GRIK3: variants seen among roughly 807,000 people sequenced by gnomAD.
GRIK3 encodes the protein glutamate receptor ionotropic, kainate 3.
A neutral mutation model predicts 102.5 loss-of-function variants in GRIK3; 29 were observed. The ratio of observed to expected loss-of-function variants is 0.28; its 90% CI spans 0.21 to 0.39. The LOEUF is 0.39. Ranked by LOEUF, GRIK3 falls within the 10% of genes least tolerant of loss-of-function variation. The probability of loss-of-function intolerance (pLI) is 1.00; values close to 1 mark genes in which losing one functional copy is unlikely to be tolerated. For synonymous variants in GRIK3, 511 were observed against 504.9 expected (o/e 1.01, Z -0.16); for missense variants, 908 against 1,252.4 (o/e 0.73, Z 4.15).
At chr1:36,999,547 C>T (rs1642453630) in intron 1 of GRIK3, among the ~76,000 whole-genome samples, 1 of 152,050 alleles carries the variant, frequency 6.6e-6, no homozygotes, top group African/African-American at 2.4e-5. Flanking sequence ...GGAAAGGGGC[C>T]TTAAGGTAAT....
chr1:37,033,595 G>C (rs369887200), intron 1 of GRIK3, among the ~76,000 whole-genome samples: 243 of 152,378 alleles, frequency 1.6e-3, no homozygotes, highest in African/African-American at 5.6e-3. Flanking sequence ...GAGGTGGGCA[G>C]AGGAGAGAAG....
chr1:36,961,403 A>AT (rs1355775147), intron 1 of GRIK3, among the ~76,000 whole-genome samples: 3 of 151,922 alleles, frequency 2.0e-5, no homozygotes, highest in African/African-American at 7.3e-5. Flanking sequence ...CATCAGAGGA[A>AT]AAAAAAGCAG....
chr1:36,956,020 A>G (rs1386831557), intron 1 of GRIK3, among the ~76,000 whole-genome samples: 1 of 152,248 alleles, frequency 6.6e-6, no homozygotes, highest in Admixed American at 6.5e-5. Context: ...GCAGGCCTCC[A>G]GGCTCCACCA....
chr1:36,949,742 T>C (rs757581483), intron 1 of GRIK3, among the ~76,000 whole-genome samples: 1 of 152,004 alleles, frequency 6.6e-6, no homozygotes, highest in Non-Finnish European at 1.5e-5. Context: ...GTCCGGCTAA[T>C]ACTTTTTGTA....
Position 36,887,756 on chromosome 1 carries a change from CAAAA to C in GRIK3, c.292+3160_292+3163del, listed in dbSNP as rs375757853. The stretch of plus-strand genomic sequence containing the variant: ...GGGCAACAAGAGTGAAATTCCATCT[CAAAA>C]AAAAAAAAAAAATATATATATATAT... On this transcript the variant is annotated intron_variant, in intron 2 of 15. Coordinates refer to ENST00000373091, the MANE Select transcript of GRIK3 (RefSeq NM_000831.4). Among the ~76,000 whole-genome samples the C allele has an allele frequency of 4.8e-3, 500 of 103,560 alleles. 2 individuals carry two copies. Among genetic ancestry groups the C allele is most frequent in the Non-Finnish European group, 8.0e-3 (403 of 50,342 alleles). The allele number at this position is 103,560 out of a possible 152,430, so 67.9% of individuals were successfully genotyped here.
chr1:36,997,811 G>A (rs753305434), intron 1 of GRIK3, among the ~76,000 whole-genome samples: 10 of 152,294 alleles, frequency 6.6e-5, no homozygotes, highest in Middle Eastern at 6.8e-3. Flanking sequence ...AAAGGACCAA[G>A]GGTGACCAGA....
intron 1 of GRIK3, among the ~76,000 whole-genome samples, chr1:36,922,559 C>A (rs1403921348): frequency 1.3e-5 from 2 of 152,216 alleles, no homozygotes; most frequent in African/African-American, 2.4e-5. Flanking sequence ...CTTCACTCCC[C>A]CAAGGTGATC....
At chr1:36,893,272 G>A (rs1320186501) in intron 1 of GRIK3, among the ~76,000 whole-genome samples, 1 of 152,054 alleles carries the variant, frequency 6.6e-6, no homozygotes, top group East Asian at 1.9e-4. Flanking sequence ...ATAAATATTT[G>A]TAACATATGT....
In GRIK3 at chr1:36,921,221, C is replaced by G. The variant is rs574062048; in HGVS notation, c.116-30125G>C. 6.6e-5 allele frequency among the ~76,000 whole-genome samples: 10 copies of G among 152,348 alleles called. No individual in the cohort carries two copies. In the South Asian group the frequency reaches 2.1e-3, roughly 32 times the overall value. ...AGATGAAACAGGGTTTGAAGCACAGCTCTGGCCCTGCTAGCTGATGACAGG... is the reference window on the plus strand; with the variant it reads ...AGATGAAACAGGGTTTGAAGCACAGGTCTGGCCCTGCTAGCTGATGACAGG... On this transcript the variant is annotated intron_variant, in intron 1 of 15. Transcript: ENST00000373091.
chr1:36,971,623 G>T (rs55751537), intron 1 of GRIK3, among the ~76,000 whole-genome samples: 3 of 151,998 alleles, frequency 2.0e-5, no homozygotes, highest in Admixed American at 6.6e-5. Flanking sequence ...GGTTATACTT[G>T]GATATCAGAA....
chr1:36,810,419 C>T (rs1466825534), intron 13 of GRIK3, among the ~76,000 whole-genome samples: 1 of 152,212 alleles, frequency 6.6e-6, no homozygotes, highest in Non-Finnish European at 1.5e-5. Flanking sequence ...TGTGCCAGGA[C>T]AGAGATGCTT....
chr1:36,942,557 G>T (rs925636242), intron 1 of GRIK3, among the ~76,000 whole-genome samples: 1 of 152,170 alleles, frequency 6.6e-6, no homozygotes, highest in African/African-American at 2.4e-5. Flanking sequence ...GAACTGGGAA[G>T]TCAAGGGCCA....
intron 1 of GRIK3, among the ~76,000 whole-genome samples, chr1:36,984,345 C>T (rs561663735): frequency 1.3e-5 from 2 of 152,370 alleles, no homozygotes; most frequent in South Asian, 4.1e-4. Flanking sequence ...ACATTCACAT[C>T]CCTCATCCCA....
rs1641109942 is a variant in GRIK3, at chr1:36,891,080, A to G, written c.132T>C (p.Tyr44=). The G allele has an allele frequency of 6.2e-7, 1 of 1,612,528 alleles. No individual in the cohort carries two copies. The part of the protein sequence containing the change: ...HVIRIGGIFE[Y]ADGPNAQVMN... ...TGACCTGGGCGTTGGGGCCGTCCGCATACTCGAAGATTCCTCCTGTGAAAG... is the reference window on the plus strand; with the variant it reads ...TGACCTGGGCGTTGGGGCCGTCCGCGTACTCGAAGATTCCTCCTGTGAAAG... Residue 44 remains tyrosine, a synonymous_variant, in exon 2 of 16, where the codon TAT becomes TAC. Coordinates refer to ENST00000373091, the MANE Select transcript of GRIK3 (RefSeq NM_000831.4).
intron 1 of GRIK3, among the ~76,000 whole-genome samples, chr1:37,004,448 T>C (rs1642510683): frequency 6.6e-6 from 1 of 152,172 alleles, no homozygotes; most frequent in Non-Finnish European, 1.5e-5. Context: ...GAGCTTCGGG[T>C]TGTGGAGGGC....
At chr1:36,812,435 G>A (rs1032978498) in intron 13 of GRIK3, among the ~76,000 whole-genome samples, 3 of 152,154 alleles carry the variant, frequency 2.0e-5, no homozygotes, top group Non-Finnish European at 4.4e-5. Flanking sequence ...TCAAAGCTGT[G>A]CAGCCCTCCC....
At chr1:36,977,806 G>C (rs2124363766) in intron 1 of GRIK3, among the ~76,000 whole-genome samples, 1 of 152,360 alleles carries the variant, frequency 6.6e-6, no homozygotes, top group Non-Finnish European at 1.5e-5. Flanking sequence ...TCGGTTGCCA[G>C]AGCATTGAGA....
chr1:36,962,162 C>A (rs1642017489), intron 1 of GRIK3, among the ~76,000 whole-genome samples: 1 of 152,188 alleles, frequency 6.6e-6, no homozygotes, highest in Non-Finnish European at 1.5e-5. Flanking sequence ...ATGGCTTCTG[C>A]CCCTGGCCAC....
intron 1 of GRIK3, among the ~76,000 whole-genome samples, chr1:36,901,793 A>T (rs1641234214): frequency 6.6e-6 from 1 of 152,240 alleles, no homozygotes; most frequent in East Asian, 1.9e-4. Flanking sequence ...CTTTGTTTAC[A>T]GGTGACATGA....
Sources: gnomAD v4.1 joint callset for allele counts (sites outside exome capture counted in the v4.1 genomes callset) on GRCh38, gnomAD v4.1.1 for gene constraint, MANE v1.5 for transcripts, NCBI Gene and HGNC (gene_info 2026-07-23, HGNC 2026-07-21) for gene names.